DIPK2B: variants seen among roughly 807,000 people sequenced by gnomAD.
The protein encoded by DIPK2B is divergent protein kinase domain 2B, also known as UPF0672 protein CXorf36.
A neutral mutation model predicts 22.2 loss-of-function variants in DIPK2B; 15 were observed. The observed-to-expected ratio is 0.68, with a 90% confidence interval of 0.45 to 1.04. The LOEUF is 1.04. Among genes scored for constraint, DIPK2B ranks in the 50% least tolerant of loss-of-function variants. DIPK2B has a pLI of 0.00. For missense variants in DIPK2B, 345 were observed against 348.3 expected (o/e 0.99, Z 0.08); for synonymous variants, 163 against 153.2 (o/e 1.06, Z -0.47).
intron 1 of DIPK2B, among the ~76,000 whole-genome samples, chrX:45,193,601 C>T (rs2047223539): frequency 1.8e-5 from 2 of 112,013 alleles, no homozygotes. Context: ...TGCACTAGAG[C>T]TCCAGCCTCT....
intron 2 of DIPK2B, among the ~76,000 whole-genome samples, chrX:45,187,744 C>G (rs977360550): frequency 3.6e-5 from 4 of 111,414 alleles, no homozygotes; most frequent in Non-Finnish European, 5.7e-5. Flanking sequence ...AGTTCTGAGG[C>G]CCCTGAACCG....
intron 2 of DIPK2B, among the ~76,000 whole-genome samples, chrX:45,172,233 T>G (rs754657491): frequency 5.3e-5 from 6 of 112,262 alleles, no homozygotes; most frequent in Non-Finnish European, 1.1e-4. Context: ...CTGAGGAGGT[T>G]TCTGATCCTT....
chrX:45,187,224 T>A (rs2047188085), intron 2 of DIPK2B, among the ~76,000 whole-genome samples: 1 of 111,888 alleles, frequency 8.9e-6, no homozygotes, highest in Admixed American at 9.4e-5. Flanking sequence ...TTCCCCTGAT[T>A]AGCCTCCAGC....
intron 2 of DIPK2B, among the ~76,000 whole-genome samples, chrX:45,172,098 A>G (rs1003092348): frequency 8.9e-6 from 1 of 112,183 alleles, no homozygotes; most frequent in African/African-American, 3.2e-5. Flanking sequence ...GCAGACACCC[A>G]AAAGGGAGCA....
At chrX:45,193,184 T>C (rs1256736846) in intron 1 of DIPK2B, among the ~76,000 whole-genome samples, 1 of 112,727 alleles carries the variant, frequency 8.9e-6, no homozygotes, top group African/African-American at 3.2e-5. Flanking sequence ...GGAAGAATGT[T>C]AAATCTCTTT....
intron 2 of DIPK2B, among the ~76,000 whole-genome samples, chrX:45,170,211 T>A (rs764726573): frequency 1.1e-5 from 1 of 90,721 alleles, no homozygotes; most frequent in African/African-American, 4.4e-5. Flanking sequence ...ACCACTGCAC[T>A]CCAGCCTGGG....
chrX:45,158,538 T>C (rs1454473997), intron 2 of DIPK2B, among the ~76,000 whole-genome samples: 1 of 107,631 alleles, frequency 9.3e-6, no homozygotes, highest in East Asian at 3.2e-4. Context: ...GGATAAGACT[T>C]GGAGATACGA....
intron 2 of DIPK2B, among the ~76,000 whole-genome samples, chrX:45,185,752 A>G (rs1439743586): frequency 9.6e-6 from 1 of 104,356 alleles, no homozygotes; most frequent in Non-Finnish European, 1.9e-5. Context: ...TCCTGGGTTC[A>G]CACCATTCTC....
intron 2 of DIPK2B, chrX:45,163,514 T>C (rs998438747): frequency 1.3e-6 from 1 of 752,597 alleles, no homozygotes; most frequent in African/African-American, 2.3e-5. Context: ...AAGGAGTCAT[T>C]TGACCTGCGA....
intron 3 of DIPK2B, among the ~76,000 whole-genome samples, chrX:45,156,512 T>C (rs2046996776): frequency 8.9e-6 from 1 of 111,948 alleles, no homozygotes; most frequent in South Asian, 3.7e-4. Flanking sequence ...CGCAATTCCT[T>C]TTCCTCTTCT....
At chrX:45,158,170 C>G (rs12841526) in intron 2 of DIPK2B, among the ~76,000 whole-genome samples, 20,030 of 104,913 alleles carry the variant, frequency 0.19, 2,157 homozygotes, top group Non-Finnish European at 0.3. Flanking sequence ...CCCCCTCCCC[C>G]ACCACAGGCT....
intron 3 of DIPK2B, among the ~76,000 whole-genome samples, chrX:45,156,829 C>A (rs73477130): frequency 1.3e-4 from 15 of 111,529 alleles, no homozygotes; most frequent in Admixed American, 1.1e-3. Flanking sequence ...TGCCTTTGGC[C>A]GGTGTTTATT....
chrX:45,191,557 A>G, intron 2 of DIPK2B, 194 bp downstream of exon 2: 1 of 474,454 alleles, frequency 2.1e-6, no homozygotes, highest in Non-Finnish European at 3.5e-6. Context: ...TGACAGTGGG[A>G]TGGAACCTTA....
chrX:45,187,825 C>T (rs1299639792), intron 2 of DIPK2B, among the ~76,000 whole-genome samples: 1 of 111,070 alleles, frequency 9.0e-6, no homozygotes, highest in Admixed American at 9.6e-5. Flanking sequence ...TCTGCCTTGT[C>T]AGTTCTCTGA....
At chrX:45,164,352 G>A in intron 2 of DIPK2B, 2 of 851,162 alleles carry the variant, frequency 2.3e-6, no homozygotes, top group Non-Finnish European at 1.6e-6. Context: ...ATGGCAGATA[G>A]CATTATCCAG....
chrX:45,191,439 C>A lies in DIPK2B; in HGVS notation c.498+312G>T, dbSNP rs2047210139. The A allele has an allele frequency of 1.8e-5, 5 of 274,401 alleles. No individual in the cohort carries two copies. In the East Asian group the frequency reaches 3.1e-4, roughly 17 times the overall value. 22.6% of individuals were successfully genotyped at this position (274,401 alleles called of 1,213,427 possible). A position where few individuals can be genotyped will look rare whatever the true frequency, so the allele number is the denominator to read the frequency against. On this transcript the variant is annotated intron_variant, in intron 2 of 4. Transcript: ENST00000398000. ...ATGATGCAGGTGAGTTGAGCCCTGG[C>A]AGAGGGGTGGACTGGCAAGGGTCAT...
intron 2 of DIPK2B, among the ~76,000 whole-genome samples, chrX:45,186,836 C>G (rs1442258906): frequency 8.9e-6 from 1 of 112,084 alleles, no homozygotes. Flanking sequence ...TACCCTTATG[C>G]CCTCCTAGCG....
At position 45,200,732 on chromosome X, in the gene DIPK2B, A is replaced by G; in HGVS notation, c.95T>C (p.Leu32Ser). ...WVSALSCSFS[L>S]PASSLSSLVP... ...CAGAGAAGAAAGGGAAGAAGCTGGC[A>G]AGGAGAAAGAACAGCTCAGGGCTGA... The change falls in exon 1 of 5, where the codon TTG (leucine) becomes TCG (serine). Residue 32 changes from leucine to serine, a missense_variant. Coordinates refer to ENST00000398000, the MANE Select transcript of DIPK2B (RefSeq NM_176819.4). 1.7e-6 allele frequency: 2 copies of G among 1,211,979 alleles called. No homozygotes were observed. Among genetic ancestry groups the G allele is most frequent in the Non-Finnish European group, 2.2e-6 (2 of 895,433 alleles).
In DIPK2B at chrX:45,200,634, C is replaced by T. The variant is rs766442794; in HGVS notation, c.193G>A (p.Gly65Arg). 3.3e-6 allele frequency: 4 copies of T among 1,212,062 alleles called. No individual in the cohort carries two copies. The highest frequency in any genetic ancestry group is 3.0e-5 in the East Asian group (1 of 33,862). Residue 65 changes from glycine (G) to arginine (R), a missense_variant, in exon 1 of 5, where the codon GGG becomes AGG. Coordinates refer to ENST00000398000, the MANE Select transcript of DIPK2B (RefSeq NM_176819.4). ...LGLDKCNACI[G>R]TSICKKFFKE... The stretch of plus-strand genomic sequence containing the variant: ...AAGAACTTCTTGCAAATAGATGTCC[C>T]GATGCAGGCATTGCATTTATCAAGA...
Sources: allele counts gnomAD v4.1 joint callset (sites outside exome capture counted in the v4.1 genomes callset), GRCh38; gene constraint gnomAD v4.1.1; transcripts MANE v1.5; gene names NCBI Gene and HGNC (gene_info 2026-07-23, HGNC 2026-07-21).